DZIP3: variants seen among roughly 807,000 people sequenced by gnomAD.
The protein encoded by DZIP3 is E3 ubiquitin-protein ligase DZIP3.
A neutral mutation model predicts 162.0 loss-of-function variants in DZIP3; 118 were observed. The ratio of observed to expected loss-of-function variants is 0.73; its 90% confidence interval spans 0.63 to 0.85. The LOEUF is 0.85. Among genes scored for constraint, DZIP3 ranks in the 40% least tolerant of loss-of-function variants. The pLI is 0.00. For synonymous variants in DZIP3, 438 were observed against 458.6 expected, an observed-to-expected ratio of 0.96 and a Z score of 0.57; for missense variants, 1,331 against 1,407.0, an observed-to-expected ratio of 0.95 and a Z score of 0.86.
At chr3:108,664,933 T>C (rs1943607292) in intron 21 of DZIP3, among the ~76,000 whole-genome samples, 1 of 152,204 alleles carries the variant, frequency 6.6e-6, no homozygotes, top group Non-Finnish European at 1.5e-5. Flanking sequence ...TTTCCTGGGG[T>C]GCTTTTGGTA....
rs1042859179 is a variant in DZIP3, at chr3:108,625,849, A to G, written c.461A>G (p.Tyr154Cys). ...CCTAGTTTTATGTTACTACAGGATT[A>G]TACAGAAGCTGAGAATAAATTTCTG... ...ALTERGKKED[Y>C]TEAENKFLVM... The change falls in exon 7 of 33, where the codon TAT becomes TGT. Residue 154 changes from tyrosine to cysteine, a missense_variant. Transcript: ENST00000361582. 2.5e-6 allele frequency: 4 copies of G among 1,612,044 alleles called. No individual in the cohort carries two copies. In the African/African-American group the frequency reaches 4.0e-5, roughly 16 times the overall value.
At position 108,677,592 on chromosome 3, in the gene DZIP3, G is replaced by A. The variant is rs1944159833; in HGVS notation, c.2877G>A (p.Glu959=). 1.2e-6 allele frequency: 2 copies of A among 1,611,410 alleles called. No individual in the cohort carries two copies. The highest frequency in any genetic ancestry group is 1.1e-5 in the South Asian group (1 of 91,020). ...TTCCTCCTCCACCACCCAGTCCTGAGATACTGGTAAGAAATACAACATTTT... is the reference window on the plus strand; with the variant it reads ...TTCCTCCTCCACCACCCAGTCCTGAAATACTGGTAAGAAATACAACATTTT... ...VQLPPPPPSP[E]ILMQQFLGRP... Residue 959 remains glutamate (E), a synonymous_variant, in exon 26 of 33, where the codon GAG becomes GAA. Coordinates refer to ENST00000361582, the MANE Select transcript of DZIP3 (RefSeq NM_014648.4).
chr3:108,613,550 A>G (rs1283625750), intron 4 of DZIP3, among the ~76,000 whole-genome samples: 1 of 152,198 alleles, frequency 6.6e-6, no homozygotes, highest in Non-Finnish European at 1.5e-5. Flanking sequence ...AAAAAGACAA[A>G]TCAATCCCAG....
intron 25 of DZIP3, 127 bp from the exon 26 acceptor site, chr3:108,677,370 T>C (rs1237328801): frequency 1.5e-6 from 1 of 651,364 alleles, no homozygotes; most frequent in African/African-American, 1.8e-5. Flanking sequence ...CCTGTTTTTA[T>C]ATTATTTCTG....
chr3:108,685,760 T>C (rs1302333515), intron 27 of DZIP3, among the ~76,000 whole-genome samples: 1 of 152,154 alleles, frequency 6.6e-6, no homozygotes, highest in Non-Finnish European at 1.5e-5. Flanking sequence ...TATATGCTAA[T>C]CACAAAATGC....
At chr3:108,655,719 G>A (rs190721435) in intron 19 of DZIP3, among the ~76,000 whole-genome samples, 2,175 of 152,282 alleles carry the variant, frequency 0.014, 29 homozygotes, top group Admixed American at 0.028. Context: ...CCTGGGAAGC[G>A]CACGGGGTCA....
At chr3:108,591,413 G>A (rs207463475) in intron 1 of DZIP3, among the ~76,000 whole-genome samples, 1 of 152,248 alleles carries the variant, frequency 6.6e-6, no homozygotes, top group African/African-American at 2.4e-5. Flanking sequence ...CATCTGTGAT[G>A]ATGTGTCAGC....
chr3:108,658,505 AT>A (rs1381171202), intron 19 of DZIP3, among the ~76,000 whole-genome samples: 1 of 152,200 alleles, frequency 6.6e-6, no homozygotes, highest in African/African-American at 2.4e-5. Context: ...GTAGAGGGAA[AT>A]TTGTAGCACT....
chr3:108,636,318 T>C (rs1311360503), intron 10 of DZIP3, among the ~76,000 whole-genome samples: 1 of 151,968 alleles, frequency 6.6e-6, no homozygotes, highest in African/African-American at 2.4e-5. Context: ...GTAATCCTCT[T>C]TACCCATACT....
chr3:108,616,402 A>C, intron 4 of DZIP3, 139 bp from the exon 5 acceptor site: 1 of 473,948 alleles, frequency 2.1e-6, no homozygotes, highest in East Asian at 3.7e-5. Context: ...TCTGGTTGGT[A>C]TGGATTTTTT....
chr3:108,638,507 T>G (rs555551294), intron 12 of DZIP3, among the ~76,000 whole-genome samples: 15 of 152,020 alleles, frequency 9.9e-5, no homozygotes, highest in Non-Finnish European at 1.9e-4. Context: ...TTAGTAGAGA[T>G]AGGGTTTCAC....
In DZIP3 at chr3:108,690,903, G is replaced by A. The variant is rs370127329; in HGVS notation, c.*6G>A. The A allele has an allele frequency of 3.3e-5, 54 of 1,613,710 alleles. No individual in the cohort carries two copies. Among genetic ancestry groups the A allele is most frequent in the Middle Eastern group, 1.7e-4 (1 of 6,050 alleles). On this transcript the variant is annotated splice_region_variant and 3_prime_UTR_variant, in exon 32 of 33. Coordinates refer to ENST00000361582, the MANE Select transcript of DZIP3 (RefSeq NM_014648.4). ...GGCAGTTGCCCAAGATCTGATACAA[G>A]GTCGGGGTGTCTATGCAAAGGAAGC... is the stretch of plus-strand genomic sequence containing the variant.
chr3:108,630,767 A>T (rs1034355895), intron 8 of DZIP3, among the ~76,000 whole-genome samples: 1 of 151,964 alleles, frequency 6.6e-6, no homozygotes, highest in African/African-American at 2.4e-5. Context: ...TTTTATGCAC[A>T]ATAATATATA....
At chr3:108,603,776 T>G (rs911004902) in intron 1 of DZIP3, among the ~76,000 whole-genome samples, 5 of 152,158 alleles carry the variant, frequency 3.3e-5, no homozygotes, top group Admixed American at 1.3e-4. Context: ...TTGGTGTGAG[T>G]CAGATGTAGA....
chr3:108,679,168 C>T (rs1944215784), intron 26 of DZIP3, among the ~76,000 whole-genome samples: 2 of 152,000 alleles, frequency 1.3e-5, no homozygotes, highest in African/African-American at 4.8e-5. Context: ...AAAATACTGT[C>T]CTTAGATTGT....
intron 1 of DZIP3, among the ~76,000 whole-genome samples, chr3:108,597,137 CT>C (rs763265442): frequency 7.9e-5 from 12 of 152,184 alleles, no homozygotes; most frequent in Non-Finnish European, 1.3e-4. Context: ...ATTAATTCTC[CT>C]TTTACAATTA....
chr3:108,636,604 TAATA>T lies in DZIP3; in HGVS notation c.919-8_919-5del, dbSNP rs1383166772. 5.3e-6 allele frequency: 8 copies of T among 1,504,872 alleles called. No homozygotes were observed. Among genetic ancestry groups the T allele is most frequent in the South Asian group, 3.9e-5 (3 of 76,114 alleles). The allele number at this position is 1,504,872 out of a possible 1,614,324, so 93.2% of individuals were successfully genotyped here. A position where few individuals can be genotyped will look rare whatever the true frequency, so the allele number is the denominator to read the frequency against. Reference sequence around the variant, plus strand: ...TTTTTCTATTTTTATTTTTTTCTATTAATAAATTTAGAGTTTTAGTGGGAAAAAA... The same window carrying T: ...TTTTTCTATTTTTATTTTTTTCTATTAATTTAGAGTTTTAGTGGGAAAAAA... On this transcript the variant is annotated splice_polypyrimidine_tract_variant and splice_region_variant and intron_variant, in intron 10 of 32. Transcript: ENST00000361582.
chr3:108,664,661 C>T (rs1943593108), intron 21 of DZIP3, among the ~76,000 whole-genome samples: 1 of 152,242 alleles, frequency 6.6e-6, no homozygotes, highest in African/African-American at 2.4e-5. Flanking sequence ...CCCCCCTTCC[C>T]TCAGCTGGTG....
At chr3:108,618,845 G>A (rs975502305) in intron 5 of DZIP3, among the ~76,000 whole-genome samples, 11 of 151,802 alleles carry the variant, frequency 7.2e-5, no homozygotes, top group South Asian at 2.1e-4. Context: ...GGCAGATCAC[G>A]AGGTCAGGAG....
Sources: allele counts gnomAD v4.1 joint callset (sites outside exome capture counted in the v4.1 genomes callset), GRCh38; gene constraint gnomAD v4.1.1; transcripts MANE v1.5; gene names NCBI Gene and HGNC (gene_info 2026-07-23, HGNC 2026-07-21).